Variants in THTPA observed in about 807,000 individuals in gnomAD.
The protein encoded by THTPA is thiamine-triphosphatase.
A neutral mutation model predicts 16.5 loss-of-function variants in THTPA; 16 were observed. That is an observed-to-expected ratio of 0.97 (90% CI 0.66 to 1.47). The LOEUF (loss-of-function observed/expected upper bound fraction) is 1.47, where lower values mean the gene tolerates loss of function less well. THTPA is among the 40% of genes most tolerant of loss of function. THTPA has a pLI of 0.00. For synonymous variants in THTPA, 110 were observed against 115.5 expected (o/e 0.95, Z 0.30); for missense variants, 281 against 280.9 (o/e 1.00, Z 0.00).
At chr14:23,530,550 G>A in the THTPA span, 1 of 471,990 alleles carries the variant, frequency 2.1e-6, no homozygotes, top group South Asian at 1.8e-5. Context: ...GGGCACTGAA[G>A]AAGGAAGCCT....
At position 23,560,246 on chromosome 14, in the gene THTPA, T is replaced by C. The variant is rs201747532; in HGVS notation, c.*1406T>C. On this transcript the variant is annotated 3_prime_UTR_variant, in exon 2 of 2. Coordinates refer to ENST00000288014, the MANE Select transcript of THTPA (RefSeq NM_024328.6). ...CCCAGGCCACCTCTGAACTCTGATC[T>C]TTACAAACCTTGGGCACAGCAGCCT... 1 of 1,612,978 alleles carries C rather than the reference T, an allele frequency of 6.2e-7. No homozygotes were observed. Among genetic ancestry groups the C allele is most frequent in the Non-Finnish European group, 8.5e-7 (1 of 1,179,928 alleles).
chr14:23,539,901 A>C, the THTPA span, among the ~76,000 whole-genome samples: 1 of 152,142 alleles, frequency 6.6e-6, no homozygotes, highest in Non-Finnish European at 1.5e-5. Context: ...TCCAAACCCA[A>C]CTCCATGGCA....
At chr14:23,532,863 C>A in the THTPA span, 1 of 1,536,118 alleles carries the variant, frequency 6.5e-7, no homozygotes, top group East Asian at 2.4e-5. Context: ...TGGGTGTCAC[C>A]AGCCACCTCC....
the THTPA span, chr14:23,527,705 G>T: frequency 6.5e-7 from 1 of 1,536,218 alleles, no homozygotes. Flanking sequence ...TGGCACAGTG[G>T]GCATCTGTAC....
At chr14:23,549,070 C>A in the THTPA span, among the ~76,000 whole-genome samples, 6 of 152,176 alleles carry the variant, frequency 3.9e-5, no homozygotes, top group African/African-American at 9.7e-5. Context: ...TCCCTTCCCC[C>A]TCTTTACTAC....
upstream of THTPA, chr14:23,555,980 A>G (rs1882331246): frequency 6.6e-6 from 1 of 152,324 alleles, no homozygotes; most frequent in South Asian, 2.1e-4. Flanking sequence ...CTTTGGAACT[A>G]CATCTCCCAT....
chr14:23,556,862 C>T lies in THTPA; in HGVS notation c.105C>T (p.Phe35=). 6.2e-7 allele frequency: 1 copy of T among 1,613,260 alleles called. No individual in the cohort carries two copies. The highest frequency in any genetic ancestry group is 8.5e-7 in the Non-Finnish European group (1 of 1,179,590). Residue 35 remains phenylalanine, a synonymous_variant, in exon 1 of 2, where the codon TTC becomes TTT. Coordinates refer to ENST00000288014, the MANE Select transcript of THTPA (RefSeq NM_024328.6). ...LGGTLEYRVT[F]RDTYYDTPEL... is the part of the protein sequence containing the mutation. ...GCACCCTGGAGTACCGGGTCACCTT[C>T]CGAGACACCTACTATGACACCCCTG...
chr14:23,552,228 G>C (rs1882023213), upstream of THTPA, among the ~76,000 whole-genome samples: 1 of 151,936 alleles, frequency 6.6e-6, no homozygotes, highest in Non-Finnish European at 1.5e-5. Flanking sequence ...CCCTGAGCTG[G>C]GTTGGGGGAG....
the THTPA span, among the ~76,000 whole-genome samples, chr14:23,547,572 C>T: frequency 1.3e-5 from 2 of 152,178 alleles, no homozygotes; most frequent in Non-Finnish European, 2.9e-5. Context: ...AGACTCTGCA[C>T]ATGAGCCCTG....
the THTPA span, chr14:23,522,250 C>T: frequency 2.0e-6 from 3 of 1,480,934 alleles, no homozygotes; most frequent in Admixed American, 4.4e-5. Flanking sequence ...CAGAGCCCCG[C>T]CCAAAGAAGC....
chr14:23,556,872 TA>T lies in THTPA; in HGVS notation c.116del (p.Tyr39SerfsTer7), dbSNP rs1362259771. 1 of 1,613,322 alleles carries T rather than the reference TA, an allele frequency of 6.2e-7. No individual in the cohort carries two copies. Among genetic ancestry groups the T allele is most frequent in the African/African-American group, 1.3e-5 (1 of 74,882 alleles). On this transcript the variant is annotated frameshift_variant, in exon 1 of 2. Coordinates refer to ENST00000288014, the MANE Select transcript of THTPA (RefSeq NM_024328.6). LOFTEE classifies it high-confidence loss of function. The part of the protein sequence containing the change: ...LEYRVTFRDT[Y>X]YDTPELSLMQ... The stretch of plus-strand genomic sequence containing the variant: ...GTACCGGGTCACCTTCCGAGACACC[TA>T]CTATGACACCCCTGAGCTGAGCCTC...
the THTPA span, chr14:23,522,121 C>T: frequency 6.5e-7 from 1 of 1,532,062 alleles, no homozygotes; most frequent in Non-Finnish European, 8.7e-7. Flanking sequence ...CTGCCTTGCG[C>T]CTGTGGGCCG....
At position 23,557,126 on chromosome 14, in the gene THTPA, T is replaced by C. The variant is rs1454340406; in HGVS notation, c.369T>C (p.Thr123=). The change falls in exon 1 of 2, where the codon ACT becomes ACC. Residue 123 remains threonine (T), a synonymous_variant. Transcript: ENST00000288014. ...TGCAGGAAGTAGCTAGTTTTGTGACTAAGCGGAGTGCCTGGAAGCTGGTGC... is the reference window on the plus strand; with the variant it reads ...TGCAGGAAGTAGCTAGTTTTGTGACCAAGCGGAGTGCCTGGAAGCTGGTGC... ...LGLQEVASFV[T]KRSAWKLVLL... The C allele has an allele frequency of 6.2e-7, 1 of 1,614,184 alleles. No homozygotes were observed. The highest frequency in any genetic ancestry group is 1.1e-5 in the South Asian group (1 of 91,086).
chr14:23,535,977 G>A, the THTPA span, among the ~76,000 whole-genome samples: 4 of 152,256 alleles, frequency 2.6e-5, no homozygotes, highest in South Asian at 8.3e-4. The surrounding 1 kb of genome is among the most constrained non-coding windows in gnomAD (Gnocchi z 4.5). Context: ...CAGTGGCTTA[G>A]ACTAAAAACC....
In THTPA at chr14:23,556,790, G is replaced by T. The variant is rs1458245545; in HGVS notation, c.33G>T (p.Lys11Asn). ...AGGGCTTGATTGAGGTGGAGCGAAA[G>T]TTCCTTCCAGGGCCTGGCACAGAGG... MAQGLIEVER[K>N]FLPGPGTEER... The change falls in exon 1 of 2, where the codon AAG becomes AAT. Residue 11 changes from lysine to asparagine, a missense_variant. Coordinates refer to ENST00000288014, the MANE Select transcript of THTPA (RefSeq NM_024328.6). 3.1e-6 allele frequency: 5 copies of T among 1,613,712 alleles called. No individual in the cohort carries two copies. Among genetic ancestry groups the T allele is most frequent in the Non-Finnish European group, 4.2e-6 (5 of 1,179,818 alleles).
At chr14:23,541,177 A>C in the THTPA span, among the ~76,000 whole-genome samples, 2 of 151,704 alleles carry the variant, frequency 1.3e-5, no homozygotes, top group South Asian at 4.2e-4. Context: ...AAGTGCTGGG[A>C]TTACAGGTGT....
the THTPA span, among the ~76,000 whole-genome samples, chr14:23,540,940 C>G: frequency 1.3e-5 from 2 of 151,706 alleles, no homozygotes; most frequent in Admixed American, 6.6e-5. Flanking sequence ...GAGTCTCGCT[C>G]TGTCACCCAG....
the THTPA span, among the ~76,000 whole-genome samples, chr14:23,546,591 C>T: frequency 6.6e-6 from 1 of 152,086 alleles, no homozygotes; most frequent in African/African-American, 2.4e-5. The surrounding 1 kb of genome is among the most constrained non-coding windows in gnomAD (Gnocchi z 4.7). Flanking sequence ...ACTTCTAAAT[C>T]TTTCACCCCT....
chr14:23,548,395 C>CGGG, the THTPA span: 1 of 152,216 alleles, frequency 6.6e-6, no homozygotes, highest in African/African-American at 2.4e-5. Flanking sequence ...ACCAATTCGA[C>CGGG]CCAGGCCCTG....
Sources: gnomAD v4.1 joint callset for allele counts (sites outside exome capture counted in the v4.1 genomes callset) on GRCh38, gnomAD v4.1.1 for gene constraint, Gnocchi (gnomAD v3.1) non-coding constraint, MANE v1.5 for transcripts, NCBI Gene and HGNC (gene_info 2026-07-23, HGNC 2026-07-21) for gene names.